AIFM2: variants seen among roughly 807,000 people sequenced by gnomAD.
AIFM2 encodes ferroptosis suppressor protein 1.
AIFM2 carries 38 observed loss-of-function variants against 35.7 expected under a neutral mutation model. The ratio of observed to expected loss-of-function variants is 1.06; its 90% CI spans 0.82 to 1.39. The LOEUF (loss-of-function observed/expected upper bound fraction) is 1.39, where lower values mean the gene tolerates loss of function less well. Ranked by LOEUF, AIFM2 falls within the 40% of genes most tolerant of loss-of-function variation. The probability of loss-of-function intolerance (pLI) is 0.00; values close to 1 mark genes in which losing one functional copy is unlikely to be tolerated. For missense variants in AIFM2, 476 were observed against 491.2 expected, an observed-to-expected ratio of 0.97 and a Z score of 0.29; for synonymous variants, 185 against 203.5, an observed-to-expected ratio of 0.91 and a Z score of 0.77.
intron 4 of AIFM2, 152 bp downstream of exon 4, chr10:70,120,940 C>T: frequency 7.3e-7 from 1 of 1,362,228 alleles, no homozygotes; most frequent in Non-Finnish European, 9.9e-7. Flanking sequence ...AGGTCTCTTC[C>T]CAGGAAAGTC....
At chr10:70,130,427 T>C (rs904395912) in intron 1 of AIFM2, among the ~76,000 whole-genome samples, 4 of 152,204 alleles carry the variant, frequency 2.6e-5, no homozygotes, top group African/African-American at 7.2e-5. Flanking sequence ...TGGCTTTTTG[T>C]TTGCGACGTC....
intron 1 of AIFM2, among the ~76,000 whole-genome samples, chr10:70,130,931 GAC>G (rs371849602): frequency 6.6e-6 from 1 of 151,746 alleles, no homozygotes. Flanking sequence ...CATACACACA[GAC>G]ACACACACAC....
chr10:70,122,887 G>A (rs2072524358), intron 3 of AIFM2, among the ~76,000 whole-genome samples: 2 of 152,188 alleles, frequency 1.3e-5, no homozygotes, highest in South Asian at 2.1e-4. Flanking sequence ...CTACAAACAG[G>A]GCCTGGCATG....
intron 7 of AIFM2, among the ~76,000 whole-genome samples, chr10:70,115,681 G>T (rs553383604): frequency 1.3e-5 from 2 of 152,252 alleles, no homozygotes; most frequent in Non-Finnish European, 2.9e-5. Context: ...CACAAGAGTC[G>T]CTTGAACCCA....
rs768082653 is a variant in AIFM2, at chr10:70,121,124, C to T, written c.382G>A (p.Ala128Thr). 15 of 1,576,168 alleles carry T rather than the reference C, an allele frequency of 9.5e-6. No homozygotes were observed. Among genetic ancestry groups the T allele is most frequent in the Middle Eastern group, 1.7e-4 (1 of 5,918 alleles). The change falls in exon 4 of 9, where the codon GCT (alanine) becomes ACT (threonine). Residue 128 changes from alanine to threonine, a missense_variant. Physicochemically the swap from Ala to Thr is moderately conservative, Grantham distance 58 (BLOSUM62 0). Transcript: ENST00000307864. The part of the protein sequence containing the change: ...KFNEVSSQQA[A>T]IQAYEDMVRQ... Reference sequence around the variant, plus strand: ...ACCATGTCCTCATAGGCCTGGATAGCGGCCTGCTGGCTGGAAACCTCATTA... The same window carrying T: ...ACCATGTCCTCATAGGCCTGGATAGTGGCCTGCTGGCTGGAAACCTCATTA...
intron 7 of AIFM2, among the ~76,000 whole-genome samples, chr10:70,115,919 A>G (rs143705547): frequency 6.6e-6 from 1 of 152,340 alleles, no homozygotes; most frequent in East Asian, 1.9e-4. Flanking sequence ...ATCTCTGTCC[A>G]TTATAAGCCC....
rs573189049 is a variant in AIFM2 at position 70,117,678 on chromosome 10, C to A, written c.616+134G>T. On this transcript the variant is annotated intron_variant, in intron 6 of 8. Transcript: ENST00000307864. The surrounding 1 kb of genome is among the most constrained non-coding windows in gnomAD (Gnocchi z 4.7). Reference sequence around the variant, plus strand: ...CCTCTTCTGAGCGCTTCATGCTCCACCCCAGGACACAGTGGAAAAGAGAGA... The same window carrying A: ...CCTCTTCTGAGCGCTTCATGCTCCAACCCAGGACACAGTGGAAAAGAGAGA... 13 of 661,060 alleles carry A rather than the reference C, an allele frequency of 2.0e-5. No homozygotes were observed. The South Asian group carries it at 2.8e-4, about 14-fold the overall frequency. 40.9% of individuals were successfully genotyped at this position (661,060 alleles called of 1,614,324 possible).
rs1304177256 is a variant in AIFM2, at chr10:70,121,228, A to G, written c.295-17T>C. On this transcript the variant is annotated splice_polypyrimidine_tract_variant and intron_variant, in intron 3 of 8. Coordinates refer to ENST00000307864, the MANE Select transcript of AIFM2 (RefSeq NM_032797.6). ...GGGCAGGGCCTGAGAGAAACCAAAAAAAAAAAAAAAAAAAAAAAAAAAAAG... is the reference window on the plus strand; with the variant it reads ...GGGCAGGGCCTGAGAGAAACCAAAAGAAAAAAAAAAAAAAAAAAAAAAAAG... 7.6e-7 allele frequency: 1 copy of G among 1,320,530 alleles called. No homozygotes were observed. The highest frequency in any genetic ancestry group is 3.0e-5 in the East Asian group (1 of 32,970). The allele number at this position is 1,320,530 out of a possible 1,614,324, so 81.8% of individuals were successfully genotyped here.
intron 1 of AIFM2, among the ~76,000 whole-genome samples, chr10:70,125,112 G>C (rs1022278076): frequency 6.6e-6 from 1 of 152,078 alleles, no homozygotes; most frequent in African/African-American, 2.4e-5. Context: ...CTGGGCCCTT[G>C]ATCTTGGACT....
At position 70,124,077 on chromosome 10, in the gene AIFM2, G is replaced by A. The variant is rs1290103925; in HGVS notation, c.8C>T (p.Ser3Phe). The A allele has an allele frequency of 1.3e-6, 2 of 1,530,206 alleles. No homozygotes were observed. The highest frequency in any genetic ancestry group is 1.8e-6 in the Non-Finnish European group (2 of 1,133,612). 94.8% of individuals were successfully genotyped at this position (1,530,206 alleles called of 1,614,324 possible). A position where few individuals can be genotyped will look rare whatever the true frequency, so the allele number is the denominator to read the frequency against. Residue 3 changes from serine to phenylalanine, a missense_variant, in exon 2 of 9, where the codon TCC becomes TTC. Transcript: ENST00000307864. Reference protein sequence around the residue: MGSQVSVESGALH... With the variant: MGFQVSVESGALH... ...AGCTCCCGATTCCACCGAGACCTGG[G>A]ACCCCATCTCAAATCAGGCACTGCT...
At chr10:70,127,730 G>A (rs571780450) in intron 1 of AIFM2, among the ~76,000 whole-genome samples, 7 of 152,302 alleles carry the variant, frequency 4.6e-5, no homozygotes, top group African/African-American at 1.7e-4. Context: ...TCCCCGAAAG[G>A]GCAAACTCTT....
Position 70,121,048 on chromosome 10 carries a change from T to C in AIFM2, c.414+44A>G, listed in dbSNP as rs372587731. 2.2e-5 allele frequency: 35 copies of C among 1,592,206 alleles called. No homozygotes were observed. In the African/African-American group the frequency reaches 4.7e-4, roughly 21 times the overall value. ...GGCCTAGGCATCCCCAAGGCTGTCC[T>C]TCCATCTGCCCACACTGCCCCATGC... On this transcript the variant is annotated intron_variant, in intron 4 of 8. Transcript: ENST00000307864.
At chr10:70,118,278 GT>G (rs1380339604) in intron 5 of AIFM2, 2 of 190,828 alleles carry the variant, frequency 1.0e-5, no homozygotes, top group Admixed American at 6.3e-5. Flanking sequence ...TCAGACTGAT[GT>G]CAACATTAAA....
intron 1 of AIFM2, among the ~76,000 whole-genome samples, chr10:70,126,192 G>A (rs1335400465): frequency 6.6e-6 from 1 of 152,276 alleles, no homozygotes; most frequent in Non-Finnish European, 1.5e-5. Flanking sequence ...CTGAGACCCT[G>A]AGAGGTGACA....
chr10:70,114,238 G>A lies in AIFM2; in HGVS notation c.1062C>T (p.Thr354=). The A allele has an allele frequency of 6.2e-7, 1 of 1,613,904 alleles. No individual in the cohort carries two copies. Among genetic ancestry groups the A allele is most frequent in the Non-Finnish European group, 8.5e-7 (1 of 1,180,012 alleles). Residue 354 remains threonine, a synonymous_variant, in exon 9 of 9, where the codon ACC becomes ACT. Coordinates refer to ENST00000307864, the MANE Select transcript of AIFM2 (RefSeq NM_032797.6). ...FYVGRLMVRL[T]KSRDLFVSTS... ...TAGAGACGAACAGGTCCCGGCTCTT[G>A]GTCAGCCGAACCATGAGCCGGCCCA...
At position 70,117,603 on chromosome 10, in the gene AIFM2, G is replaced by A. The variant is rs1037468393; in HGVS notation, c.616+209C>T. 2.0e-5 allele frequency among the ~76,000 whole-genome samples: 3 copies of A among 152,194 alleles called. No individual in the cohort carries two copies. The highest frequency in any genetic ancestry group is 2.9e-5 in the Non-Finnish European group (2 of 68,036). On this transcript the variant is annotated intron_variant, in intron 6 of 8. Transcript: ENST00000307864. The surrounding 1 kb of genome is among the most constrained non-coding windows in gnomAD (Gnocchi z 4.7). ...CAGGCCCTCTTCCCTGCCCAGGGAC[G>A]GGCACAACTTCCAGCTGGACAAGGC...
At position 70,117,720 on chromosome 10, in the gene AIFM2, A is replaced by G; in HGVS notation, c.616+92T>C. ...AAAGAGAGAGCCTGGGGTGGACCAT[A>G]GCCACCCTCCTGCTGGAAGCAGTCA... On this transcript the variant is annotated intron_variant, in intron 6 of 8. Coordinates refer to ENST00000307864, the MANE Select transcript of AIFM2 (RefSeq NM_032797.6). The surrounding 1 kb of genome is among the most constrained non-coding windows in gnomAD (Gnocchi z 4.7). 9.5e-7 allele frequency: 1 copy of G among 1,048,158 alleles called. No individual in the cohort carries two copies. The highest frequency in any genetic ancestry group is 1.4e-6 in the Non-Finnish European group (1 of 722,084). The allele number at this position is 1,048,158 out of a possible 1,614,324, so 64.9% of individuals were successfully genotyped here. A position where few individuals can be genotyped will look rare whatever the true frequency, so the allele number is the denominator to read the frequency against.
chr10:70,123,336 TG>T, intron 3 of AIFM2, 68 bp downstream of exon 3: 1 of 1,394,798 alleles, frequency 7.2e-7, no homozygotes, highest in Non-Finnish European at 1.0e-6. Context: ...CTCTTGACCC[TG>T]GAGGATCCCG....
chr10:70,114,110 G>A lies in AIFM2; in HGVS notation c.*68C>T. 1 of 1,534,676 alleles carries A rather than the reference G, an allele frequency of 6.5e-7. No individual in the cohort carries two copies. The highest frequency in any genetic ancestry group is 8.7e-7 in the Non-Finnish European group (1 of 1,143,352). ...TAGCATTAGTTCTAGCACTTGCCAG[G>A]CGGGTGCCATGCGCCAAGCAGTCCG... On this transcript the variant is annotated 3_prime_UTR_variant, in exon 9 of 9. Transcript: ENST00000307864.
Sources: gnomAD v4.1 joint callset for allele counts (sites outside exome capture counted in the v4.1 genomes callset) on GRCh38, gnomAD v4.1.1 for gene constraint, Gnocchi (gnomAD v3.1) non-coding constraint, MANE v1.5 for transcripts, NCBI Gene and HGNC (gene_info 2026-07-23, HGNC 2026-07-21) for gene names.